ASB4: variants seen among roughly 807,000 people sequenced by gnomAD.
ASB4 encodes the protein ankyrin repeat and SOCS box containing 4.
Under a neutral mutation model 38.6 loss-of-function variants are expected in ASB4, and 35 were observed. The observed-to-expected ratio is 0.91, with a 90% CI of 0.69 to 1.20. ASB4 has a LOEUF of 1.20. Ranked by LOEUF, ASB4 falls within the 50% of genes most tolerant of loss-of-function variation. The pLI, the probability that ASB4 is intolerant of heterozygous loss-of-function variation, is 0.00. For synonymous variants in ASB4, 195 were observed against 201.3 expected (o/e 0.97, Z 0.26); for missense variants, 557 against 527.2 (o/e 1.06, Z -0.55).
At position 95,540,152 on chromosome 7, in the gene ASB4, T is replaced by C; in HGVS notation, c.*2393T>C. On this transcript the variant is annotated 3_prime_UTR_variant, in exon 5 of 5. Transcript: ENST00000325885. ...CATGGCTACTTGTTTGTAATTTTTT[T>C]ATTGGTGGAATTAAAGTAATTTTTC... is the stretch of plus-strand genomic sequence containing the variant. The C allele has an allele frequency of 6.6e-6, 1 of 152,234 alleles. No homozygotes were observed. The highest frequency in any genetic ancestry group is 1.9e-4 in the East Asian group (1 of 5,194). The allele number at this position is 152,234 out of a possible 1,614,324, so 9.4% of individuals were successfully genotyped here.
intron 2 of ASB4, among the ~76,000 whole-genome samples, chr7:95,499,922 G>A (rs1790309814): frequency 7.0e-6 from 1 of 142,958 alleles, no homozygotes; most frequent in African/African-American, 2.6e-5. Context: ...CGCCTGGGCT[G>A]GAGTGCAGTG....
chr7:95,538,361 C>G lies in ASB4; in HGVS notation c.*602C>G, dbSNP rs1172555190. On this transcript the variant is annotated 3_prime_UTR_variant, in exon 5 of 5. Coordinates refer to ENST00000325885, the MANE Select transcript of ASB4 (RefSeq NM_016116.3). ...AAGAAACATCAGTCCAGTTAATAGT[C>G]AAGAATGGACATTTGAACCAGACAT... 1 of 152,200 alleles carries G rather than the reference C, an allele frequency of 6.6e-6. No individual in the cohort carries two copies. Among genetic ancestry groups the G allele is most frequent in the African/African-American group, 2.4e-5 (1 of 41,408 alleles). The allele number at this position is 152,200 out of a possible 1,614,324, so 9.4% of individuals were successfully genotyped here.
At chr7:95,484,492 T>G (rs567151111), upstream of ASB4, among the ~76,000 whole-genome samples, 1 of 152,338 alleles carries the variant, frequency 6.6e-6, no homozygotes, top group South Asian at 2.1e-4. Flanking sequence ...ATGAGTTTGT[T>G]CACTAAAAAT....
the ASB4 span, among the ~76,000 whole-genome samples, chr7:95,546,237 A>T: frequency 6.6e-6 from 1 of 152,278 alleles, no homozygotes; most frequent in African/African-American, 2.4e-5. Context: ...ACATTCCACA[A>T]ATGGTTAGAC....
rs1790934984 is a variant in ASB4, at chr7:95,539,024, T to G, written c.*1265T>G. 6.6e-6 allele frequency: 1 copy of G among 152,194 alleles called. No individual in the cohort carries two copies. The highest frequency in any genetic ancestry group is 1.5e-5 in the Non-Finnish European group (1 of 68,018). 9.4% of individuals were successfully genotyped at this position (152,194 alleles called of 1,614,324 possible). ...ATTGCAGAAAGAAAAATGTAGGTGA[T>G]TAAGCTCTGGGCCTTGTGGTTTATG... On this transcript the variant is annotated 3_prime_UTR_variant, in exon 5 of 5. Transcript: ENST00000325885.
downstream of ASB4, chr7:95,542,614 A>T (rs774452966): frequency 6.6e-6 from 1 of 152,124 alleles, no homozygotes; most frequent in African/African-American, 2.4e-5. Flanking sequence ...TATTTTTAGT[A>T]GAGGCAGGGT....
the ASB4 span, chr7:95,472,190 G>A: frequency 6.6e-6 from 1 of 151,124 alleles, no homozygotes; most frequent in Non-Finnish European, 1.5e-5. Flanking sequence ...GAAGGAATTG[G>A]GTTAACAAGG....
rs756763798 is a variant in ASB4, at chr7:95,536,485, A to T, written c.1027A>T (p.Asn343Tyr). Residue 343 changes from asparagine (N) to tyrosine (Y), a missense_variant, in exon 4 of 5, where the codon AAT (asparagine) becomes TAT (tyrosine). Transcript: ENST00000325885. ...TCCTAAAGCAATTGAAGTTGTAGTC[A>T]ATGCCTATGAACACATCAGATGGAA... ...SCPKAIEVVV[N>Y]AYEHIRWNTK... 4.3e-6 allele frequency: 7 copies of T among 1,613,548 alleles called. No individual in the cohort carries two copies. Among genetic ancestry groups the T allele is most frequent in the Non-Finnish European group, 2.5e-6 (3 of 1,179,540 alleles).
At chr7:95,535,307 T>C (rs1376089711) in intron 3 of ASB4, among the ~76,000 whole-genome samples, 4 of 152,136 alleles carry the variant, frequency 2.6e-5, no homozygotes, top group African/African-American at 9.7e-5. Flanking sequence ...TCTGGGAAAT[T>C]AGGAAGAAAT....
chr7:95,501,195 G>A (rs185629696), intron 2 of ASB4, among the ~76,000 whole-genome samples: 9 of 152,190 alleles, frequency 5.9e-5, no homozygotes, highest in Admixed American at 2.6e-4. Context: ...ACTTTACTCT[G>A]CATGAAGCAA....
chr7:95,544,266 C>T (rs1331397685), downstream of ASB4: 1 of 152,168 alleles, frequency 6.6e-6, no homozygotes, highest in Non-Finnish European at 1.5e-5. Flanking sequence ...ACTGCTTATA[C>T]TTCTCAACAT....
chr7:95,482,520 A>G (rs1790028834), upstream of ASB4, among the ~76,000 whole-genome samples: 1 of 152,212 alleles, frequency 6.6e-6, no homozygotes, highest in African/African-American at 2.4e-5. Context: ...ACACTTACAA[A>G]GACAGCCGTT....
At position 95,537,646 on chromosome 7, in the gene ASB4, T is replaced by A. The variant is rs758587757; in HGVS notation, c.1168T>A (p.Cys390Ser). ...SPRTLMHLSR[C>S]AIRRTLHNRC... ...AAGGACTCTCATGCACTTATCGAGA[T>A]GTGCCATTAGAAGAACATTACACAA... Residue 390 changes from cysteine (C) to serine (S), a missense_variant, in exon 5 of 5, where the codon TGT becomes AGT. Transcript: ENST00000325885. The A allele has an allele frequency of 2.5e-6, 4 of 1,613,512 alleles. No individual in the cohort carries two copies. The highest frequency in any genetic ancestry group is 2.2e-5 in the East Asian group (1 of 44,886).
At chr7:95,487,332 A>ATATATAT (rs1790106556) in intron 1 of ASB4, among the ~76,000 whole-genome samples, 1 of 152,170 alleles carries the variant, frequency 6.6e-6, no homozygotes, top group African/African-American at 2.4e-5. Context: ...GTCTGTTAGA[A>ATATATAT]AATTTGTATA....
chr7:95,523,244 G>T (rs376281193), intron 2 of ASB4, among the ~76,000 whole-genome samples: 474 of 152,276 alleles, frequency 3.1e-3, no homozygotes, highest in South Asian at 0.011. Flanking sequence ...CAAAGGAAAA[G>T]GCAAGGGAAA....
At chr7:95,501,737 C>A (rs1399241808) in intron 2 of ASB4, among the ~76,000 whole-genome samples, 1 of 152,114 alleles carries the variant, frequency 6.6e-6, no homozygotes, top group Non-Finnish European at 1.5e-5. Flanking sequence ...CCAGCCGGTA[C>A]AGTTATTCCC....
At chr7:95,481,565 A>C (rs1790021836), upstream of ASB4, among the ~76,000 whole-genome samples, 1 of 152,200 alleles carries the variant, frequency 6.6e-6, no homozygotes, top group Non-Finnish European at 1.5e-5. Flanking sequence ...GCTGGCTTCA[A>C]ATTTCTTCCC....
chr7:95,516,314 G>A (rs1289373866), intron 2 of ASB4, among the ~76,000 whole-genome samples: 1 of 152,022 alleles, frequency 6.6e-6, no homozygotes, highest in Non-Finnish European at 1.5e-5. Context: ...CTTATCTATG[G>A]TTACTTTGCA....
At chr7:95,513,913 A>C (rs1790519745) in intron 2 of ASB4, among the ~76,000 whole-genome samples, 1 of 152,140 alleles carries the variant, frequency 6.6e-6, no homozygotes, top group African/African-American at 2.4e-5. Context: ...CATTTCTCTA[A>C]TTCTGCCATC....
Sources: allele counts gnomAD v4.1 joint callset (sites outside exome capture counted in the v4.1 genomes callset), GRCh38; gene constraint gnomAD v4.1.1; transcripts MANE v1.5; gene names NCBI Gene and HGNC (gene_info 2026-07-23, HGNC 2026-07-21).